Variants in NBEA observed in about 807,000 individuals in gnomAD.
NBEA encodes neurobeachin.
In NBEA, 44 loss-of-function variants were observed where a neutral mutation model predicts 343.4. The observed-to-expected ratio is 0.13, with a 90% CI of 0.10 to 0.16. NBEA has a LOEUF of 0.16. Among genes scored for constraint, NBEA ranks in the 10% least tolerant of loss-of-function variants. The pLI is 1.00. For missense variants in NBEA, 2,555 were observed against 3,631.3 expected, an observed-to-expected ratio of 0.70 and a Z score of 7.62; for synonymous variants, 1,175 against 1,238.7, an observed-to-expected ratio of 0.95 and a Z score of 1.08.
intron 38 of NBEA, among the ~76,000 whole-genome samples, chr13:35,428,210 C>T (rs1269198449): frequency 6.6e-6 from 1 of 152,170 alleles, no homozygotes; most frequent in Admixed American, 6.5e-5. Flanking sequence ...AGAAATCACC[C>T]ATCTTCTGCG....
intron 39 of NBEA, among the ~76,000 whole-genome samples, chr13:35,445,954 T>C (rs1364704169): frequency 6.6e-6 from 1 of 151,506 alleles, no homozygotes; most frequent in Non-Finnish European, 1.5e-5. Flanking sequence ...CTCCTAATGC[T>C]ATCCCTCCCC....
At chr13:35,545,297 G>GATTGATTAACT (rs2079013530) in intron 41 of NBEA, among the ~76,000 whole-genome samples, 2 of 152,092 alleles carry the variant, frequency 1.3e-5, no homozygotes, top group Non-Finnish European at 2.9e-5. Flanking sequence ...GCCTGAAGCA[G>GATTGATTAACT]CATCCCCTCC....
intron 1 of NBEA, among the ~76,000 whole-genome samples, chr13:35,011,915 A>C (rs2152534091): frequency 6.6e-6 from 1 of 152,328 alleles, no homozygotes; most frequent in African/African-American, 2.4e-5. Context: ...AATTTTTAAT[A>C]CAGTATTGCT....
intron 2 of NBEA, 121 bp from the exon 3 acceptor site, chr13:35,044,826 A>G (rs927871201): frequency 3.1e-5 from 16 of 520,394 alleles, no homozygotes; most frequent in African/African-American, 2.6e-4. Context: ...ATATATATAT[A>G]TATAGAGAGA....
chr13:34,977,402 G>T (rs1246018300), intron 1 of NBEA, among the ~76,000 whole-genome samples: 1 of 151,380 alleles, frequency 6.6e-6, no homozygotes, highest in Non-Finnish European at 1.5e-5. Context: ...CCTGTCTCCC[G>T]GATTCAAGCG....
intron 41 of NBEA, among the ~76,000 whole-genome samples, chr13:35,479,023 A>C (rs900472834): frequency 1.3e-5 from 2 of 152,274 alleles, no homozygotes; most frequent in African/African-American, 2.4e-5. Flanking sequence ...GCGAAGCTAA[A>C]CACCGAAGCA....
At chr13:35,409,380 T>C (rs967428092) in intron 38 of NBEA, among the ~76,000 whole-genome samples, 3 of 151,900 alleles carry the variant, frequency 2.0e-5, no homozygotes, top group African/African-American at 7.3e-5. Context: ...TCAGGAAAAA[T>C]AACTGGTGGG....
intron 1 of NBEA, among the ~76,000 whole-genome samples, chr13:35,016,779 C>T (rs577917290): frequency 3.2e-4 from 49 of 152,224 alleles, no homozygotes; most frequent in Admixed American, 2.0e-3. Flanking sequence ...GAGGCAGCAA[C>T]TCAAACTGAG....
At chr13:35,192,717 T>C (rs2072289026) in intron 30 of NBEA, among the ~76,000 whole-genome samples, 1 of 151,962 alleles carries the variant, frequency 6.6e-6, no homozygotes, top group Admixed American at 6.6e-5. Context: ...GTAAGTCAAA[T>C]AGTTGAGCAG....
intron 1 of NBEA, among the ~76,000 whole-genome samples, chr13:34,974,839 A>G (rs983270000): frequency 1.3e-5 from 2 of 152,206 alleles, no homozygotes; most frequent in Non-Finnish European, 2.9e-5. Context: ...AGTTAGCAGC[A>G]CATGAAATAG....
intron 49 of NBEA, among the ~76,000 whole-genome samples, chr13:35,633,737 G>T (rs2083571699): frequency 6.6e-6 from 1 of 151,844 alleles, no homozygotes; most frequent in Non-Finnish European, 1.5e-5. Context: ...CACTACACAG[G>T]CATTATTACC....
chr13:35,049,851 T>C (rs1242852820), intron 5 of NBEA, among the ~76,000 whole-genome samples: 2 of 149,826 alleles, frequency 1.3e-5, no homozygotes, highest in South Asian at 2.1e-4. Context: ...ACCAAGTTTT[T>C]TTTTCTTTTT....
At chr13:35,566,072 T>C (rs901570471) in intron 44 of NBEA, among the ~76,000 whole-genome samples, 5 of 152,142 alleles carry the variant, frequency 3.3e-5, no homozygotes, top group Non-Finnish European at 5.9e-5. Flanking sequence ...TATAATAGAA[T>C]ACCATCACAG....
At chr13:35,181,960 C>T (rs187376065) in intron 28 of NBEA, among the ~76,000 whole-genome samples, 1 of 151,598 alleles carries the variant, frequency 6.6e-6, no homozygotes, top group East Asian at 1.9e-4. Flanking sequence ...GAGTTTTATC[C>T]TACTAATTTT....
rs542232059 is a variant in NBEA, at chr13:35,289,802, A to C, written c.5777-587A>C. On this transcript the variant is annotated intron_variant, in intron 34 of 58. Coordinates refer to ENST00000379939, the MANE Select transcript of NBEA (RefSeq NM_001385012.1). ...TGCAATCAGGTTTTTTTCTTCTGCTATCTATTTGGGGAGATTGGAGTATAA... is the reference window on the plus strand; with the variant it reads ...TGCAATCAGGTTTTTTTCTTCTGCTCTCTATTTGGGGAGATTGGAGTATAA... 9.2e-5 allele frequency among the ~76,000 whole-genome samples: 14 copies of C among 151,944 alleles called. 1 individual carries two copies. The East Asian group carries it at 2.7e-3, about 29-fold the overall frequency.
intron 38 of NBEA, among the ~76,000 whole-genome samples, chr13:35,386,311 C>A (rs1412427113): frequency 3.3e-5 from 5 of 152,198 alleles, no homozygotes; most frequent in Non-Finnish European, 1.5e-5. Context: ...AGCAAAATTC[C>A]TATTAACAGA....
Position 35,159,911 on chromosome 13 carries a change from C to G in NBEA, c.3740C>G (p.Ser1247Cys). The G allele has an allele frequency of 6.3e-7, 1 of 1,596,636 alleles. No homozygotes were observed. Among genetic ancestry groups the G allele is most frequent in the Non-Finnish European group, 8.5e-7 (1 of 1,170,758 alleles). ...MTATTLETES[S>C]SSKIVPNIDA... ...GCTACAACTCTGGAAACTGAGTCTT[C>G]TAGTAGCAAAATTGTACCAAATATT... Residue 1247 changes from serine (S) to cysteine (C), a missense_variant, in exon 22 of 59, where the codon TCT (serine) becomes TGT (cysteine). By Grantham distance (112) the Ser-to-Cys change is moderately radical (BLOSUM62 -1). Transcript: ENST00000379939.
intron 36 of NBEA, among the ~76,000 whole-genome samples, chr13:35,311,730 C>G (rs541545018): frequency 6.6e-6 from 1 of 151,824 alleles, no homozygotes; most frequent in African/African-American, 2.4e-5. Flanking sequence ...GGCAGGTGCC[C>G]GTAATCCCAG....
chr13:35,479,246 A>G (rs543589176), intron 41 of NBEA, among the ~76,000 whole-genome samples: 1 of 152,336 alleles, frequency 6.6e-6, no homozygotes, highest in African/African-American at 2.4e-5. Context: ...AAGGTGATTT[A>G]CATAACATAG....
Sources: gnomAD v4.1 joint callset for allele counts (sites outside exome capture counted in the v4.1 genomes callset) on GRCh38, gnomAD v4.1.1 for gene constraint, MANE v1.5 for transcripts, NCBI Gene and HGNC (gene_info 2026-07-23, HGNC 2026-07-21) for gene names.